Variants in UBE4B observed in about 807,000 individuals in gnomAD.
UBE4B encodes ubiquitination factor E4B.
UBE4B carries 27 observed loss-of-function variants against 148.1 expected under a neutral mutation model. The ratio of observed to expected loss-of-function variants is 0.18; its 90% confidence interval spans 0.13 to 0.25. The LOEUF is 0.25. UBE4B is among the 10% of genes least tolerant of loss of function. The pLI is 1.00. For synonymous variants in UBE4B, 596 were observed against 619.3 expected (o/e 0.96, Z 0.56); for missense variants, 1,170 against 1,662.4 (o/e 0.70, Z 5.15).
intron 2 of UBE4B, among the ~76,000 whole-genome samples, chr1:10,094,040 G>T (rs183622536): frequency 1.3e-4 from 19 of 151,990 alleles, no homozygotes; most frequent in African/African-American, 4.3e-4. Flanking sequence ...AGCACCATAG[G>T]TATATATATT....
chr1:10,113,886 G>A (rs1012391944), intron 7 of UBE4B, among the ~76,000 whole-genome samples: 4 of 152,164 alleles, frequency 2.6e-5, no homozygotes, highest in Admixed American at 2.6e-4. Context: ...CCAACATGGT[G>A]AAACCCCGTC....
chr1:10,105,194 T>G (rs1463616115), intron 5 of UBE4B, among the ~76,000 whole-genome samples: 1 of 152,204 alleles, frequency 6.6e-6, no homozygotes, highest in Non-Finnish European at 1.5e-5. Flanking sequence ...TAACTCTCAA[T>G]GACTGTACCC....
intron 1 of UBE4B, among the ~76,000 whole-genome samples, chr1:10,071,569 C>G (rs1191098099): frequency 6.6e-6 from 1 of 152,152 alleles, no homozygotes; most frequent in African/African-American, 2.4e-5. Context: ...GCTTGGGTGA[C>G]AGAGAGACTC....
At chr1:10,169,140 C>T (rs1339406778) in intron 24 of UBE4B, among the ~76,000 whole-genome samples, 1 of 152,112 alleles carries the variant, frequency 6.6e-6, no homozygotes, top group Non-Finnish European at 1.5e-5. Flanking sequence ...AACTGAGCAG[C>T]ATCACTGAAG....
chr1:10,173,342 C>T (rs982521392), intron 25 of UBE4B, among the ~76,000 whole-genome samples: 4 of 151,636 alleles, frequency 2.6e-5, no homozygotes, highest in Admixed American at 2.0e-4. Flanking sequence ...ATTAGCCGGG[C>T]GTGGTGGCGG....
chr1:10,052,500 C>A (rs1005521057), intron 1 of UBE4B, among the ~76,000 whole-genome samples: 1 of 152,168 alleles, frequency 6.6e-6, no homozygotes, highest in Non-Finnish European at 1.5e-5. Flanking sequence ...GCCAGGCACT[C>A]CTCAGGAATC....
intron 1 of UBE4B, among the ~76,000 whole-genome samples, chr1:10,052,622 G>T (rs1644073476): frequency 1.3e-5 from 2 of 152,218 alleles, no homozygotes; most frequent in South Asian, 2.1e-4. Context: ...TTAATGCTCT[G>T]CTGTTGCTGT....
At chr1:10,111,999 T>C (rs1645230114) in intron 7 of UBE4B, among the ~76,000 whole-genome samples, 1 of 151,890 alleles carries the variant, frequency 6.6e-6, no homozygotes, top group Non-Finnish European at 1.5e-5. Flanking sequence ...AAAGGCTGCA[T>C]TTGAGAAGTC....
At chr1:10,178,875 A>G in intron 26 of UBE4B, 57 bp downstream of exon 26, 1 of 1,527,494 alleles carries the variant, frequency 6.5e-7, no homozygotes, top group Non-Finnish European at 8.8e-7. Context: ...GAAATCGATA[A>G]CATTACAAGA....
At chr1:10,164,334 C>T (rs1049443577) in intron 23 of UBE4B, among the ~76,000 whole-genome samples, 3 of 151,494 alleles carry the variant, frequency 2.0e-5, no homozygotes, top group Non-Finnish European at 4.4e-5. Flanking sequence ...GGCAACAGAG[C>T]GAGACTCCGT....
Position 10,153,626 on chromosome 1 carries a change from C to T in UBE4B, c.2926+2065C>T, listed in dbSNP as rs953448044. Among the ~76,000 whole-genome samples, 8 of 151,714 alleles carry T rather than the reference C, an allele frequency of 5.3e-5. No homozygotes were observed. The South Asian group carries it at 6.2e-4, about 12-fold the overall frequency. On this transcript the variant is annotated intron_variant, in intron 21 of 27. Coordinates refer to ENST00000343090, the MANE Select transcript of UBE4B (RefSeq NM_001105562.3). ...CCTGAGGTCAGGAGTTCGAGACTAG[C>T]CTGACCAAAATGGTGAATCCTAGTC...
At chr1:10,078,796 A>G (rs904746052) in intron 2 of UBE4B, among the ~76,000 whole-genome samples, 4 of 152,048 alleles carry the variant, frequency 2.6e-5, no homozygotes, top group Admixed American at 6.6e-5. Flanking sequence ...TTCCAGTGGA[A>G]TAGGTCTGCC....
intron 11 of UBE4B, among the ~76,000 whole-genome samples, chr1:10,128,063 T>C (rs1449086049): frequency 6.6e-6 from 1 of 152,232 alleles, no homozygotes; most frequent in African/African-American, 2.4e-5. Context: ...TGAATCCTTA[T>C]GTATTGTTCT....
intron 15 of UBE4B, among the ~76,000 whole-genome samples, chr1:10,133,277 C>T (rs1645626007): frequency 6.6e-6 from 1 of 152,140 alleles, no homozygotes; most frequent in Non-Finnish European, 1.5e-5. Context: ...GAGCACAGAT[C>T]TTGTGATTTC....
intron 7 of UBE4B, among the ~76,000 whole-genome samples, chr1:10,109,135 G>A (rs1193692429): frequency 6.6e-6 from 1 of 152,020 alleles, no homozygotes; most frequent in Non-Finnish European, 1.5e-5. Context: ...CAGATGTGGT[G>A]TCAGCTCTGT....
chr1:10,168,847 G>T lies in UBE4B; in HGVS notation c.3333+577G>T, dbSNP rs533195292. ...GCAGAGCTGGCAGTGAGCCGAGATG[G>T]TGCCACTGCACTCCAGCCTGGGCGA... On this transcript the variant is annotated intron_variant, in intron 24 of 27. Coordinates refer to ENST00000343090, the MANE Select transcript of UBE4B (RefSeq NM_001105562.3). The surrounding 1 kb of genome is among the most constrained non-coding windows in gnomAD (Gnocchi z 4.9). 2.7e-5 allele frequency among the ~76,000 whole-genome samples: 4 copies of T among 150,604 alleles called. No individual in the cohort carries two copies. In the South Asian group the frequency reaches 8.4e-4, roughly 32 times the overall value.
chr1:10,034,889 T>G (rs536373737), intron 1 of UBE4B, among the ~76,000 whole-genome samples: 1 of 152,334 alleles, frequency 6.6e-6, no homozygotes, highest in South Asian at 2.1e-4. Flanking sequence ...GTTACTTTGT[T>G]TTTTTCGAAT....
intron 3 of UBE4B, among the ~76,000 whole-genome samples, chr1:10,096,887 A>C (rs1644936478): frequency 6.6e-6 from 1 of 151,740 alleles, no homozygotes; most frequent in African/African-American, 2.4e-5. Context: ...AAAAATACAA[A>C]AATTAGCTGG....
chr1:10,077,625 T>C (rs892189495), intron 2 of UBE4B, among the ~76,000 whole-genome samples: 1 of 152,204 alleles, frequency 6.6e-6, no homozygotes, highest in Non-Finnish European at 1.5e-5. Context: ...TTGTTGGAAA[T>C]GTTAGAAGCG....
Sources: gnomAD v4.1 joint callset for allele counts (sites outside exome capture counted in the v4.1 genomes callset) on GRCh38, gnomAD v4.1.1 for gene constraint, Gnocchi (gnomAD v3.1) non-coding constraint, MANE v1.5 for transcripts, NCBI Gene and HGNC (gene_info 2026-07-23, HGNC 2026-07-21) for gene names.